Variants in BRWD3 observed in about 807,000 individuals in gnomAD.
The protein encoded by BRWD3 is bromodomain and WD repeat domain containing 3, also known as bromodomain and WD repeat-containing protein 3.
BRWD3 carries 10 observed loss-of-function variants against 149.7 expected under a neutral mutation model. That is an observed-to-expected ratio of 0.07 (90% confidence interval 0.04 to 0.11). The LOEUF is 0.11. Among genes scored for constraint, BRWD3 ranks in the 10% least tolerant of loss-of-function variants. The probability of loss-of-function intolerance (pLI) is 1.00; values close to 1 mark genes in which losing one functional copy is unlikely to be tolerated. For missense variants in BRWD3, 940 were observed against 1,373.2 expected (o/e 0.68, Z 4.99); for synonymous variants, 504 against 456.7 (o/e 1.10, Z -1.32).
At chrX:80,760,992 A>G (rs2073796537) in intron 6 of BRWD3, among the ~76,000 whole-genome samples, 1 of 111,263 alleles carries the variant, frequency 9.0e-6, no homozygotes. Context: ...AGTTGCAGTG[A>G]ACTATGATCT....
At chrX:80,717,310 A>T in intron 19 of BRWD3, 1 of 354,460 alleles carries the variant, frequency 2.8e-6, no homozygotes, top group South Asian at 4.1e-5. Context: ...TACTACTTGT[A>T]TTCTTTTCTT....
chrX:80,729,138 A>T (rs980999043), intron 13 of BRWD3, among the ~76,000 whole-genome samples: 9 of 111,845 alleles, frequency 8.0e-5, no homozygotes, highest in African/African-American at 2.9e-4. Flanking sequence ...AAAATTTGGT[A>T]AATAGTTCCT....
At chrX:80,764,957 A>G (rs970267865) in intron 6 of BRWD3, among the ~76,000 whole-genome samples, 1 of 111,978 alleles carries the variant, frequency 8.9e-6, no homozygotes, top group African/African-American at 3.2e-5. Context: ...TTATATATCA[A>G]TTTGGGCCAT....
intron 24 of BRWD3, among the ~76,000 whole-genome samples, chrX:80,700,924 T>C (rs758400749): frequency 1.8e-5 from 2 of 110,731 alleles, no homozygotes; most frequent in South Asian, 3.9e-4. Flanking sequence ...AATGTCCTTG[T>C]AGATTCTGTT....
intron 6 of BRWD3, among the ~76,000 whole-genome samples, chrX:80,748,928 C>T (rs934887544): frequency 9.0e-6 from 1 of 111,384 alleles, no homozygotes; most frequent in Non-Finnish European, 1.9e-5. Context: ...TTTTCATTTG[C>T]CTCAGTTTCC....
chrX:80,683,744 T>C (rs2072486345), intron 37 of BRWD3, among the ~76,000 whole-genome samples: 3 of 111,618 alleles, frequency 2.7e-5, no homozygotes, highest in African/African-American at 9.7e-5. Flanking sequence ...CCTTTCTATT[T>C]ATTAAGTCAC....
chrX:80,685,761 G>A (rs2072512781), intron 35 of BRWD3, among the ~76,000 whole-genome samples: 1 of 111,668 alleles, frequency 9.0e-6, no homozygotes, highest in Non-Finnish European at 1.9e-5. Flanking sequence ...AAGTTCTGTT[G>A]AACACAATCT....
At chrX:80,736,236 T>C in intron 8 of BRWD3, 148 bp from the exon 9 acceptor site, 1 of 364,649 alleles carries the variant, frequency 2.7e-6, no homozygotes, top group Non-Finnish European at 4.8e-6. Flanking sequence ...CTATTTAACT[T>C]TCCTAGATTA....
At chrX:80,704,534 A>C in intron 23 of BRWD3, 144 bp downstream of exon 23, 1 of 587,961 alleles carries the variant, frequency 1.7e-6, no homozygotes, top group Non-Finnish European at 2.6e-6. Flanking sequence ...AATTCTTTAC[A>C]TTTTGAAGTC....
At chrX:80,740,600 A>G (rs1602379000) in intron 8 of BRWD3, among the ~76,000 whole-genome samples, 1 of 111,521 alleles carries the variant, frequency 9.0e-6, no homozygotes, top group Non-Finnish European at 1.9e-5. Context: ...AATACAAAAT[A>G]TAGCCGGATG....
At chrX:80,741,413 G>A (rs1368494392) in intron 8 of BRWD3, among the ~76,000 whole-genome samples, 5 of 111,192 alleles carry the variant, frequency 4.5e-5, no homozygotes, top group Non-Finnish European at 9.4e-5. Context: ...ATAATCCTTT[G>A]GGTATATACC....
At chrX:80,736,841 C>T (rs1409408841) in intron 8 of BRWD3, among the ~76,000 whole-genome samples, 1 of 111,357 alleles carries the variant, frequency 9.0e-6, no homozygotes, top group East Asian at 2.8e-4. Context: ...AACAACTGAG[C>T]TCCTGATGTC....
intron 8 of BRWD3, among the ~76,000 whole-genome samples, chrX:80,740,616 G>A (rs1254972971): frequency 2.7e-5 from 3 of 111,735 alleles, no homozygotes; most frequent in Non-Finnish European, 5.6e-5. Context: ...GGATGTGGTG[G>A]CGCATGCCGG....
chrX:80,793,594 T>A, intron 5 of BRWD3, 28 bp downstream of exon 5: 1 of 1,198,733 alleles, frequency 8.3e-7, no homozygotes, highest in Non-Finnish European at 1.1e-6. Context: ...TCCTCTGATA[T>A]CACAGTCCTA....
At chrX:80,782,134 G>T (rs764586925) in intron 6 of BRWD3, among the ~76,000 whole-genome samples, 1 of 111,588 alleles carries the variant, frequency 9.0e-6, no homozygotes, top group East Asian at 2.8e-4. Context: ...TCCAAAAACA[G>T]TATGGTACTG....
intron 6 of BRWD3, among the ~76,000 whole-genome samples, chrX:80,764,784 T>C (rs1184291017): frequency 9.0e-6 from 1 of 111,137 alleles, no homozygotes; most frequent in Non-Finnish European, 1.9e-5. Flanking sequence ...GACAAAAAAC[T>C]GGTATCTAGA....
chrX:80,772,775 A>AATAAC (rs1569282427), intron 6 of BRWD3, among the ~76,000 whole-genome samples: 2 of 111,732 alleles, frequency 1.8e-5, no homozygotes, highest in Non-Finnish European at 3.8e-5. Context: ...TGCGTTCACA[A>AATAAC]ATAACCCTTA....
rs1039048790 is a variant in BRWD3, at chrX:80,716,211, T to C, written c.2271A>G (p.Glu757=). 2.5e-6 allele frequency: 3 copies of C among 1,210,425 alleles called. No individual in the cohort carries two copies. Among genetic ancestry groups the C allele is most frequent in the Non-Finnish European group, 2.2e-6 (2 of 894,426 alleles). Residue 757 remains glutamate (E), a synonymous_variant, in exon 20 of 41, where the codon GAA becomes GAG. Coordinates refer to ENST00000373275, the MANE Select transcript of BRWD3 (RefSeq NM_153252.5). ...EECRTAKGDI[E]ISLYTVEKKK... The stretch of plus-strand genomic sequence containing the variant: ...TCTTTTCAACTGTATAAAGACTGAT[T>C]TCTATGTCACCTTTTGCAGTTCGAC...
intron 33 of BRWD3, 93 bp from the exon 34 acceptor site, chrX:80,688,218 T>C: frequency 1.3e-6 from 1 of 764,172 alleles, no homozygotes; most frequent in Non-Finnish European, 2.0e-6. Context: ...GGAAATAAAA[T>C]CACAGTTAAC....
Sources: allele counts gnomAD v4.1 joint callset (sites outside exome capture counted in the v4.1 genomes callset), GRCh38; gene constraint gnomAD v4.1.1; transcripts MANE v1.5; gene names NCBI Gene and HGNC (gene_info 2026-07-23, HGNC 2026-07-21).